The following ZNF790 variants were observed in gnomAD, a reference collection of about 807,000 sequenced individuals.
The protein encoded by ZNF790 is zinc finger protein 790.
A neutral mutation model predicts 12.1 loss-of-function variants in ZNF790; 8 were observed. That is an observed-to-expected ratio of 0.66 (90% CI 0.39 to 1.19). ZNF790 has a LOEUF of 1.19. Among genes scored for constraint, ZNF790 ranks in the 50% most tolerant of loss-of-function variants. The probability of loss-of-function intolerance (pLI) is 0.01; values close to 1 mark genes in which losing one functional copy is unlikely to be tolerated. For synonymous variants in ZNF790, 252 were observed against 244.3 expected, an observed-to-expected ratio of 1.03 and a Z score of -0.29; for missense variants, 707 against 752.2, an observed-to-expected ratio of 0.94 and a Z score of 0.70.
intron 1 of ZNF790, among the ~76,000 whole-genome samples, chr19:36,844,007 CA>C (rs397782483): frequency 0.34 from 29,279 of 86,452 alleles, 2,941 homozygotes; most frequent in South Asian, 0.46. Context: ...AACTCCATCT[CA>C]AAAAAAAAAA....
intron 1 of ZNF790, among the ~76,000 whole-genome samples, chr19:36,830,160 T>G (rs755448898): frequency 6.6e-6 from 1 of 152,222 alleles, no homozygotes. Flanking sequence ...TTAAGTGTGA[T>G]GTTGGCTGTG....
In ZNF790 at chr19:36,825,693, C is replaced by T. The variant is rs2071782124; in HGVS notation, c.-73-1G>A. The T allele has an allele frequency of 6.5e-7, 1 of 1,532,316 alleles. No individual in the cohort carries two copies. Among genetic ancestry groups the T allele is most frequent in the African/African-American group, 1.4e-5 (1 of 73,458 alleles). 94.9% of individuals were successfully genotyped at this position (1,532,316 alleles called of 1,614,324 possible). On this transcript the variant is annotated splice_acceptor_variant, in intron 1 of 4. Coordinates refer to ENST00000356725, the MANE Select transcript of ZNF790 (RefSeq NM_206894.4). LOFTEE classifies it low-confidence loss of function (5UTR_SPLICE). The stretch of plus-strand genomic sequence containing the variant: ...GAGGCAGCGTGCTGGGAAAGCAGAG[C>T]TAGAAGGAAAGAATCACAAGGTCAG...
chr19:36,827,582 C>G (rs2071856257), intron 1 of ZNF790: 1 of 153,054 alleles, frequency 6.5e-6, no homozygotes, highest in South Asian at 1.8e-4. Context: ...TGTTCCAGGA[C>G]TTGGTGACCA....
At chr19:36,824,466 C>G (rs2071754252) in intron 2 of ZNF790, among the ~76,000 whole-genome samples, 1 of 152,056 alleles carries the variant, frequency 6.6e-6, no homozygotes, top group African/African-American at 2.4e-5. Flanking sequence ...ACCACTGCGC[C>G]TGGCTAATTT....
In ZNF790 at chr19:36,818,931, A is replaced by ATCC; in HGVS notation, c.1412_1413insGGA (p.Ile471delinsMetAsp). The stretch of plus-strand genomic sequence containing the variant: ...ATTCATAGTTTCTCTCACCAGTATG[A>ATCC]ATTTTCTGATGTCGATTAAACTCTG... On this transcript the variant is annotated protein_altering_variant, in exon 5 of 5. Coordinates refer to ENST00000356725, the MANE Select transcript of ZNF790 (RefSeq NM_206894.4). 1 of 1,610,550 alleles carries ATCC rather than the reference A, an allele frequency of 6.2e-7. No individual in the cohort carries two copies. The highest frequency in any genetic ancestry group is 1.7e-4 in the Middle Eastern group (1 of 6,038).
chr19:36,850,470 A>T (rs1263978872), upstream of ZNF790: 1 of 152,342 alleles, frequency 6.6e-6, no homozygotes, highest in Non-Finnish European at 1.5e-5. Context: ...TTTATAGCTA[A>T]CGGGCTGGGT....
chr19:36,838,418 G>GC (rs2072096026), upstream of ZNF790: 1 of 152,274 alleles, frequency 6.6e-6, no homozygotes, highest in Admixed American at 6.5e-5. The surrounding 1 kb of genome is among the most constrained non-coding windows in gnomAD (Gnocchi z 4.4). Flanking sequence ...ACAGGAAGTT[G>GC]CCCGGGGAAC....
rs750187163 is a variant in ZNF790, at chr19:36,819,205, T to C, written c.1139A>G (p.Asn380Ser). 6.2e-7 allele frequency: 1 copy of C among 1,614,070 alleles called. No individual in the cohort carries two copies. Among genetic ancestry groups the C allele is most frequent in the South Asian group, 1.1e-5 (1 of 91,078 alleles). Residue 380 changes from asparagine (N) to serine (S), a missense_variant, in exon 5 of 5, where the codon AAT becomes AGT. Transcript: ENST00000356725. Reference sequence around the variant, plus strand: ...ATGAACATTCTGATGTTGAGCAAGATTTGAACCACGAATAAAGGCTTTTCC... The same window carrying C: ...ATGAACATTCTGATGTTGAGCAAGACTTGAACCACGAATAAAGGCTTTTCC... ...ECGKAFIRGS[N>S]LAQHQNVHVG...
chr19:36,832,609 A>G (rs2071965011), intron 1 of ZNF790, among the ~76,000 whole-genome samples: 1 of 152,176 alleles, frequency 6.6e-6, no homozygotes, highest in Admixed American at 6.5e-5. Flanking sequence ...CCTTCAAATG[A>G]TAGCAGCCCT....
chr19:36,827,712 C>G (rs1317363657), intron 1 of ZNF790: 2 of 151,970 alleles, frequency 1.3e-5, no homozygotes, highest in Non-Finnish European at 2.9e-5. Flanking sequence ...ACAACATGCG[C>G]CAATCAAGCA....
intron 1 of ZNF790, chr19:36,827,612 A>G (rs1439579342): frequency 1.3e-5 from 2 of 152,822 alleles, no homozygotes; most frequent in African/African-American, 4.8e-5. Context: ...TCCATGTTCA[A>G]TTGAGTTCAA....
At chr19:36,834,845 T>C (rs1188710303) in intron 1 of ZNF790, among the ~76,000 whole-genome samples, 2 of 152,188 alleles carry the variant, frequency 1.3e-5, no homozygotes, top group African/African-American at 4.8e-5. Context: ...TACAGCATAT[T>C]ACAAGGCAAA....
At chr19:36,834,292 T>TA (rs139870959) in intron 1 of ZNF790, among the ~76,000 whole-genome samples, 2,068 of 149,186 alleles carry the variant, frequency 0.014, 42 homozygotes, top group African/African-American at 0.047. Flanking sequence ...ATGCAAACCT[T>TA]ACGCTAGGAG....
rs760727716 is a variant in ZNF790 at position 36,819,943 on chromosome 19, T to G, written c.401A>C (p.Gln134Pro). The G allele has an allele frequency of 2.5e-6, 4 of 1,614,050 alleles. No individual in the cohort carries two copies. In the East Asian group the frequency reaches 8.9e-5, roughly 36 times the overall value. Residue 134 changes from glutamine (Q) to proline (P), a missense_variant, in exon 5 of 5, where the codon CAA becomes CCA. Coordinates refer to ENST00000356725, the MANE Select transcript of ZNF790 (RefSeq NM_206894.4). ...TATCACCTGCTTGAAGCATTCCTCT[T>G]GATTATCTTGAAGTGTTTGAAACTG... ...NTQFQTLQDN[Q>P]EECFKQVIRT...
At chr19:36,823,992 C>CTT (rs779735213) in intron 2 of ZNF790, among the ~76,000 whole-genome samples, 40 of 104,376 alleles carry the variant, frequency 3.8e-4, no homozygotes, top group East Asian at 7.9e-4. Flanking sequence ...TCTACATGCT[C>CTT]TTTTTTTTTT....
At chr19:36,829,624 A>G (rs150615069) in intron 1 of ZNF790, among the ~76,000 whole-genome samples, 27 of 152,214 alleles carry the variant, frequency 1.8e-4, no homozygotes, top group African/African-American at 6.3e-4. Flanking sequence ...CTGGAGTGCA[A>G]TGGCACGATC....
intron 1 of ZNF790, among the ~76,000 whole-genome samples, chr19:36,827,137 CACACATATATATAT>C (rs1285176094): frequency 1.5e-3 from 106 of 72,584 alleles, no homozygotes; most frequent in African/African-American, 6.2e-3. Context: ...CACACACACA[CACACATATATATAT>C]ATATATATAT....
At chr19:36,824,031 C>G (rs2071739502) in intron 2 of ZNF790, among the ~76,000 whole-genome samples, 1 of 132,380 alleles carries the variant, frequency 7.6e-6, no homozygotes, top group African/African-American at 3.0e-5. Context: ...GAGTCTCGCT[C>G]TGTCGCCCAG....
At chr19:36,830,694 CAG>C (rs980683024) in intron 1 of ZNF790, among the ~76,000 whole-genome samples, 5 of 152,296 alleles carry the variant, frequency 3.3e-5, no homozygotes, top group Admixed American at 3.3e-4. Flanking sequence ...ACTGGGGTAA[CAG>C]AGGAAGAAAC....
Sources: gnomAD v4.1 joint callset for allele counts (sites outside exome capture counted in the v4.1 genomes callset) on GRCh38, gnomAD v4.1.1 for gene constraint, Gnocchi (gnomAD v3.1) non-coding constraint, MANE v1.5 for transcripts, NCBI Gene and HGNC (gene_info 2026-07-23, HGNC 2026-07-21) for gene names.